Variants in CCR3 observed in about 807,000 individuals in gnomAD.
The protein encoded by CCR3 is C-C motif chemokine receptor 3, also known as C-C chemokine receptor type 3.
For synonymous variants in CCR3, 203 were observed against 179.2 expected, an observed-to-expected ratio of 1.13 and a Z score of -1.06; for missense variants, 419 against 437.5, an observed-to-expected ratio of 0.96 and a Z score of 0.38.
intron 2 of CCR3, among the ~76,000 whole-genome samples, chr3:46,212,846 C>T (rs550582437): frequency 1.3e-5 from 2 of 152,294 alleles, no homozygotes; most frequent in South Asian, 4.1e-4. Flanking sequence ...TGAAGCCTTC[C>T]CATCCTCCAT....
intron 2 of CCR3, among the ~76,000 whole-genome samples, chr3:46,224,117 A>G (rs1471137691): frequency 6.6e-6 from 1 of 152,192 alleles, no homozygotes; most frequent in East Asian, 1.9e-4. Flanking sequence ...AAAAGACTTG[A>G]TTAGAAACTT....
intron 2 of CCR3, among the ~76,000 whole-genome samples, chr3:46,227,845 A>G (rs139285340): frequency 3.9e-5 from 6 of 152,036 alleles, no homozygotes; most frequent in Admixed American, 3.9e-4. Flanking sequence ...TCTTTCTGTT[A>G]TTAAACTTTA....
At chr3:46,226,673 C>A (rs953733824) in intron 2 of CCR3, among the ~76,000 whole-genome samples, 1 of 152,108 alleles carries the variant, frequency 6.6e-6, no homozygotes, top group Admixed American at 6.6e-5. Flanking sequence ...CTGGCTTAAA[C>A]TTCCAGTTGA....
Position 46,265,208 on chromosome 3 carries a change from A to T in CCR3, c.50A>T (p.Tyr17Phe), listed in dbSNP as rs1700594897. ...TVETFGTTSY[Y>F]DDVGLLCEKA... ...GAGACCTTTGGTACCACATCCTACTATGATGACGTGGGCCTGCTCTGTGAA... is the reference window on the plus strand; with the variant it reads ...GAGACCTTTGGTACCACATCCTACTTTGATGACGTGGGCCTGCTCTGTGAA... The change falls in exon 2 of 2, where the codon TAT (tyrosine) becomes TTT (phenylalanine). Residue 17 changes from tyrosine (Y) to phenylalanine (F), a missense_variant. Coordinates refer to ENST00000395940, the MANE Select transcript of CCR3 (RefSeq NM_178329.3). The T allele has an allele frequency of 6.2e-7, 1 of 1,613,988 alleles. No homozygotes were observed. The highest frequency in any genetic ancestry group is 1.3e-5 in the African/African-American group (1 of 74,990).
chr3:46,237,096 AT>A (rs11353259), intron 2 of CCR3, among the ~76,000 whole-genome samples: 29,577 of 152,136 alleles, frequency 0.19, 3,126 homozygotes, highest in Admixed American at 0.28. Context: ...TATATACCAC[AT>A]TTTCTTTATC....
chr3:46,238,169 G>A (rs568146365), upstream of CCR3, among the ~76,000 whole-genome samples: 1 of 152,116 alleles, frequency 6.6e-6, no homozygotes, highest in East Asian at 1.9e-4. Context: ...TATTTTCAGA[G>A]TGGCTATACA....
intron 2 of CCR3, among the ~76,000 whole-genome samples, chr3:46,230,722 C>T (rs181302603): frequency 5.9e-5 from 9 of 152,272 alleles, no homozygotes; most frequent in Admixed American, 5.2e-4. Flanking sequence ...TACCTCCTCG[C>T]CCCGTCCTCC....
At chr3:46,228,440 C>G (rs544857775) in intron 2 of CCR3, among the ~76,000 whole-genome samples, 21 of 152,282 alleles carry the variant, frequency 1.4e-4, no homozygotes, top group Admixed American at 3.9e-4. Flanking sequence ...TGACCCCACC[C>G]TTGTATCTGT....
At chr3:46,251,880 G>T (rs1700320691) in intron 1 of CCR3, among the ~76,000 whole-genome samples, 1 of 152,090 alleles carries the variant, frequency 6.6e-6, no homozygotes, top group African/African-American at 2.4e-5. Context: ...ACTTTCACAA[G>T]GTAATGTCAT....
At chr3:46,219,560 C>T (rs1377156627) in intron 2 of CCR3, among the ~76,000 whole-genome samples, 1 of 151,950 alleles carries the variant, frequency 6.6e-6, no homozygotes, top group Non-Finnish European at 1.5e-5. Context: ...ATCTGGAGGC[C>T]TCATATTACC....
chr3:46,231,082 A>G (rs1057504240), intron 2 of CCR3, among the ~76,000 whole-genome samples: 4 of 151,896 alleles, frequency 2.6e-5, no homozygotes, highest in African/African-American at 4.8e-5. Context: ...ACACCATCAC[A>G]CCCAGCTAAT....
intron 1 of CCR3, among the ~76,000 whole-genome samples, chr3:46,248,338 G>C (rs544001514): frequency 3.3e-5 from 5 of 152,272 alleles, no homozygotes; most frequent in Admixed American, 6.5e-5. Flanking sequence ...AGAGTGAGTT[G>C]AGCATAGTTT....
chr3:46,218,535 C>T (rs1286307671), intron 2 of CCR3, among the ~76,000 whole-genome samples: 2 of 152,016 alleles, frequency 1.3e-5, no homozygotes, highest in Non-Finnish European at 2.9e-5. Context: ...AAAAAGAAAA[C>T]TACTGATCAA....
At position 46,242,500 on chromosome 3, in the gene CCR3, G is replaced by A. The variant is rs1399693383; in HGVS notation, c.-50G>A. On this transcript the variant is annotated 5_prime_UTR_variant, in exon 1 of 2. Transcript: ENST00000395940. The stretch of plus-strand genomic sequence containing the variant: ...GTGCTTATCCGGGCAAGAACTTATC[G>A]AAATACAATAGAAGTTTTTACTTAG... 1.3e-5 allele frequency: 2 copies of A among 152,026 alleles called. No homozygotes were observed. Among genetic ancestry groups the A allele is most frequent in the African/African-American group, 2.4e-5 (1 of 41,390 alleles). 9.4% of individuals were successfully genotyped at this position (152,026 alleles called of 1,614,324 possible).
intron 2 of CCR3, among the ~76,000 whole-genome samples, chr3:46,213,714 C>T (rs1470272237): frequency 6.6e-6 from 1 of 152,200 alleles, no homozygotes; most frequent in African/African-American, 2.4e-5. Context: ...TTCATACTTC[C>T]TGCTGCCAGC....
At chr3:46,228,908 CAT>C (rs1699932325) in intron 2 of CCR3, among the ~76,000 whole-genome samples, 1 of 152,160 alleles carries the variant, frequency 6.6e-6, no homozygotes, top group Admixed American at 6.5e-5. Context: ...GTATTCTTAC[CAT>C]GTGTGTGTCA....
chr3:46,250,835 G>A (rs370456915), intron 1 of CCR3, among the ~76,000 whole-genome samples: 10 of 151,926 alleles, frequency 6.6e-5, no homozygotes, highest in South Asian at 2.1e-4. Context: ...CCAGAAAAGC[G>A]GGAAGGGGGG....
At chr3:46,246,094 T>G (rs1260885136) in intron 1 of CCR3, among the ~76,000 whole-genome samples, 1 of 152,194 alleles carries the variant, frequency 6.6e-6, no homozygotes, top group African/African-American at 2.4e-5. Flanking sequence ...CCTCTTAAAA[T>G]TTGGTGCCTG....
chr3:46,247,722 G>A lies in CCR3; in HGVS notation c.-12+5184G>A, dbSNP rs566126642. On this transcript the variant is annotated intron_variant, in intron 1 of 1. Coordinates refer to ENST00000395940, the MANE Select transcript of CCR3 (RefSeq NM_178329.3). ...GCCCTTCTCAGACCCTGTAGGAAAG[G>A]CCTCTACCTATCTAGTGAAAGTGTC... Among the ~76,000 whole-genome samples the A allele has an allele frequency of 1.5e-4, 23 of 152,230 alleles. No individual in the cohort carries two copies. In the South Asian group the frequency reaches 2.9e-3, roughly 19 times the overall value.
Sources: gnomAD v4.1 joint callset for allele counts (sites outside exome capture counted in the v4.1 genomes callset) on GRCh38, gnomAD v4.1.1 for gene constraint, MANE v1.5 for transcripts, NCBI Gene and HGNC (gene_info 2026-07-23, HGNC 2026-07-21) for gene names.